PER3: variants seen among roughly 807,000 people sequenced by gnomAD.
PER3 encodes the protein period circadian regulator 3, also known as period circadian protein homolog 3.
In PER3, 107 loss-of-function variants were observed where a neutral mutation model predicts 127.2. That is an observed-to-expected ratio of 0.84 (90% CI 0.72 to 0.99). The LOEUF is 0.99. Among genes scored for constraint, PER3 ranks in the 50% least tolerant of loss-of-function variants. The probability of loss-of-function intolerance (pLI) is 0.00; values close to 1 mark genes in which losing one functional copy is unlikely to be tolerated. For missense variants in PER3, 1,560 were observed against 1,525.8 expected, an observed-to-expected ratio of 1.02 and a Z score of -0.37; for synonymous variants, 618 against 585.8, an observed-to-expected ratio of 1.05 and a Z score of -0.79.
At chr1:7,841,862 T>C (rs182116430) in intron 21 of PER3, among the ~76,000 whole-genome samples, 28 of 152,284 alleles carry the variant, frequency 1.8e-4, no homozygotes, top group Admixed American at 1.1e-3. Flanking sequence ...CCCACAGCAA[T>C]TTAAACAAAA....
At chr1:7,788,497 G>A (rs11121023) in intron 5 of PER3, 100,933 of 462,236 alleles carry the variant, frequency 0.22, 11,442 homozygotes, top group South Asian at 0.27. Context: ...CATTACCAGC[G>A]TATTGTATAG....
At chr1:7,840,185 T>C (rs2097378601) in intron 21 of PER3, among the ~76,000 whole-genome samples, 1 of 152,172 alleles carries the variant, frequency 6.6e-6, no homozygotes, top group African/African-American at 2.4e-5. Flanking sequence ...ATTTTTCATT[T>C]CAGTTTTGTA....
Position 7,793,041 on chromosome 1 carries a change from C to T in PER3, c.593-916C>T, listed in dbSNP as rs955593383. On this transcript the variant is annotated intron_variant, in intron 5 of 21. Transcript: ENST00000377532. ...TAATGCTTTCTGACTCTTCTGTGAT[C>T]GTCTCTTAGAAGTATCAAGACCTGG... Among the ~76,000 whole-genome samples the T allele has an allele frequency of 5.3e-5, 8 of 152,296 alleles. No individual in the cohort carries two copies. The East Asian group carries it at 1.2e-3, about 22-fold the overall frequency.
At chr1:7,791,216 T>C (rs1013383779) in intron 5 of PER3, among the ~76,000 whole-genome samples, 5 of 152,258 alleles carry the variant, frequency 3.3e-5, no homozygotes, top group Admixed American at 6.5e-5. Flanking sequence ...AACTTCTGCC[T>C]GGACATCCAG....
At chr1:7,816,630 A>G (rs886431928) in intron 13 of PER3, among the ~76,000 whole-genome samples, 1,613 of 152,294 alleles carry the variant, frequency 0.011, 36 homozygotes, top group African/African-American at 0.036. Flanking sequence ...ATGAGATAAC[A>G]CCACACATCT....
intron 16 of PER3, among the ~76,000 whole-genome samples, chr1:7,821,397 G>A (rs925891176): frequency 6.6e-6 from 1 of 152,184 alleles, no homozygotes; most frequent in African/African-American, 2.4e-5. Context: ...GGAGAGTGTG[G>A]TACTGACAGG....
At chr1:7,788,751 A>G (rs2097104072) in intron 5 of PER3, among the ~76,000 whole-genome samples, 1 of 152,120 alleles carries the variant, frequency 6.6e-6, no homozygotes, top group Non-Finnish European at 1.5e-5. Context: ...TAAAAGTACA[A>G]AAATTAGTCA....
intron 13 of PER3, among the ~76,000 whole-genome samples, chr1:7,815,991 C>CAAAAAAAAAAAAAAAAAAAA (rs34144861): frequency 1.5e-5 from 1 of 67,662 alleles, no homozygotes; most frequent in Admixed American, 2.1e-4. Flanking sequence ...GACTCCGTCT[C>CAAAAAAAAAAAAAAAAAAAA]AAAAAAAAAA....
intron 21 of PER3, among the ~76,000 whole-genome samples, chr1:7,838,754 G>A (rs926022911): frequency 6.6e-6 from 1 of 152,156 alleles, no homozygotes; most frequent in African/African-American, 2.4e-5. Context: ...TGGTGTGACT[G>A]ACTTACAGAC....
intron 3 of PER3, among the ~76,000 whole-genome samples, chr1:7,786,169 G>A (rs755447702): frequency 1.5e-4 from 23 of 152,322 alleles, no homozygotes; most frequent in Admixed American, 1.3e-3. Context: ...ACAGGAGAAC[G>A]GCGTGAACCC....
chr1:7,827,074 T>G (rs974023662), intron 17 of PER3, 44 bp from the exon 18 acceptor site: 16 of 1,443,812 alleles, frequency 1.1e-5, no homozygotes, highest in Non-Finnish European at 1.5e-5. Flanking sequence ...CTCTTCTTTT[T>G]GGGTTTAATT....
intron 14 of PER3, 146 bp downstream of exon 14, chr1:7,819,566 AC>A: frequency 1.4e-6 from 1 of 697,614 alleles, no homozygotes; most frequent in East Asian, 2.5e-5. Context: ...CCTAACACAT[AC>A]GCTGAACATT....
rs745794602 is a variant in PER3 at position 7,827,443 on chromosome 1, C to T, written c.2514C>T (p.Ser838=). The T allele has an allele frequency of 7.4e-6, 12 of 1,614,212 alleles. No homozygotes were observed. In the South Asian group the frequency reaches 1.3e-4, roughly 18 times the overall value. Residue 838 remains serine (S), a synonymous_variant, in exon 18 of 22, where the codon TCC becomes TCT. Transcript: ENST00000377532. ...AAGGCCTGCATGGGCTGCCCTTGTC[C>T]GAGGGCTTGCAGCCTTACCCAGCTT... The part of the protein sequence containing the change: ...APEGLHGLPL[S]EGLQPYPAFP...
intron 9 of PER3, 34 bp downstream of exon 9, chr1:7,803,187 T>G (rs1185866670): frequency 8.2e-7 from 1 of 1,223,936 alleles, no homozygotes; most frequent in Non-Finnish European, 1.2e-6. Context: ...AGGAAATATT[T>G]TTCTCTCATT....
intron 10 of PER3, among the ~76,000 whole-genome samples, chr1:7,806,795 TAAAAAAAA>T (rs71567316): frequency 1.1e-5 from 1 of 91,910 alleles, no homozygotes; most frequent in Non-Finnish European, 1.9e-5. Context: ...CCCTGTCTCT[TAAAAAAAA>T]AAAAAAAAAA....
chr1:7,810,043 T>G, intron 12 of PER3, 22 bp downstream of exon 12: 3 of 1,602,930 alleles, frequency 1.9e-6, no homozygotes, highest in Non-Finnish European at 2.6e-6. Flanking sequence ...TATGTCACAT[T>G]CTTATACAGG....
chr1:7,804,349 T>A (rs1176371497), intron 10 of PER3, among the ~76,000 whole-genome samples: 3 of 150,640 alleles, frequency 2.0e-5, no homozygotes, highest in African/African-American at 7.3e-5. Flanking sequence ...AGTGAGCATG[T>A]AAAACTTTTT....
intron 6 of PER3, among the ~76,000 whole-genome samples, chr1:7,796,190 C>G (rs1206703437): frequency 6.6e-6 from 1 of 152,128 alleles, no homozygotes; most frequent in African/African-American, 2.4e-5. Context: ...TCCCTGGTTC[C>G]TTTTGGTGGG....
At chr1:7,787,417 G>A (rs775408849) in intron 4 of PER3, 5 of 379,616 alleles carry the variant, frequency 1.3e-5, no homozygotes, top group South Asian at 6.6e-5. Context: ...ATAGTGGAAC[G>A]TGCGCAATCC....
Sources: allele counts gnomAD v4.1 joint callset (sites outside exome capture counted in the v4.1 genomes callset), GRCh38; gene constraint gnomAD v4.1.1; transcripts MANE v1.5; gene names NCBI Gene and HGNC (gene_info 2026-07-23, HGNC 2026-07-21).